RBMS3: variants seen among roughly 807,000 people sequenced by gnomAD.
RBMS3 encodes RNA binding motif single stranded interacting protein 3.
RBMS3 carries 27 observed loss-of-function variants against 66.8 expected under a neutral mutation model. That is an observed-to-expected ratio of 0.40 (90% CI 0.30 to 0.56). The LOEUF (loss-of-function observed/expected upper bound fraction) is 0.56, where lower values mean the gene tolerates loss of function less well. Ranked by LOEUF, RBMS3 falls within the 20% of genes least tolerant of loss-of-function variation. RBMS3 has a pLI of 0.40. For missense variants in RBMS3, 513 were observed against 549.5 expected (o/e 0.93, Z 0.66); for synonymous variants, 188 against 183.0 (o/e 1.03, Z -0.22).
intron 6 of RBMS3, among the ~76,000 whole-genome samples, chr3:29,805,580 C>T (rs2057521904): frequency 6.6e-6 from 1 of 151,876 alleles, no homozygotes; most frequent in Admixed American, 6.6e-5. Context: ...GATCCTGACC[C>T]TGTGTAGGCC....
Position 29,673,211 on chromosome 3 carries a change from C to G in RBMS3, c.400-66509C>G, listed in dbSNP as rs150816007. On this transcript the variant is annotated intron_variant, in intron 4 of 14. Coordinates refer to ENST00000383767, the MANE Select transcript of RBMS3 (RefSeq NM_001003793.3). ...TCTTTGAAACCAGTGAGAGCAAAGA[C>G]ACAACATACCAGAATCTCTGGGATA... 8.4e-3 allele frequency among the ~76,000 whole-genome samples: 1,286 copies of G among 152,230 alleles called. 23 individuals are homozygous for G. The highest frequency in any genetic ancestry group is 0.028 in the African/African-American group (1,183 of 41,532).
At chr3:29,389,912 C>G (rs577694900) in intron 1 of RBMS3, among the ~76,000 whole-genome samples, 2 of 151,926 alleles carry the variant, frequency 1.3e-5, no homozygotes, top group Non-Finnish European at 2.9e-5. Flanking sequence ...GGGAATGGGG[C>G]GGGGGCTCCT....
At chr3:29,379,899 G>A (rs2125621224) in intron 1 of RBMS3, among the ~76,000 whole-genome samples, 1 of 152,220 alleles carries the variant, frequency 6.6e-6, no homozygotes, top group East Asian at 1.9e-4. Flanking sequence ...CAAGGGGTGG[G>A]AATAGAAAAT....
chr3:29,653,464 C>T (rs2050211597), intron 4 of RBMS3, among the ~76,000 whole-genome samples: 2 of 152,114 alleles, frequency 1.3e-5, no homozygotes, highest in South Asian at 4.1e-4. Flanking sequence ...CGGTAAACCT[C>T]TCTGAACCAT....
At chr3:29,542,361 AT>A (rs11451149) in intron 3 of RBMS3, among the ~76,000 whole-genome samples, 135 of 151,204 alleles carry the variant, frequency 8.9e-4, no homozygotes, top group Admixed American at 2.9e-3. Flanking sequence ...ATCATCTCCA[AT>A]TTTTTTTTGT....
At chr3:29,834,196 G>A (rs2058445232) in intron 6 of RBMS3, among the ~76,000 whole-genome samples, 1 of 152,030 alleles carries the variant, frequency 6.6e-6, no homozygotes, top group African/African-American at 2.4e-5. Context: ...ACAAGAAATG[G>A]TAAAGGGAGT....
At chr3:29,418,161 A>T (rs2040557399) in intron 1 of RBMS3, among the ~76,000 whole-genome samples, 1 of 152,190 alleles carries the variant, frequency 6.6e-6, no homozygotes, top group East Asian at 1.9e-4. Context: ...ATTCATAAAC[A>T]AGTCATTATT....
intron 4 of RBMS3, among the ~76,000 whole-genome samples, chr3:29,702,278 T>C (rs1317296986): frequency 6.6e-6 from 1 of 152,156 alleles, no homozygotes; most frequent in Non-Finnish European, 1.5e-5. Context: ...GCTCTGTGTC[T>C]AGCTAATCTA....
At chr3:29,527,429 C>T (rs1032541375) in intron 3 of RBMS3, among the ~76,000 whole-genome samples, 5 of 151,982 alleles carry the variant, frequency 3.3e-5, no homozygotes, top group African/African-American at 7.3e-5. Flanking sequence ...AGCAGTTGGC[C>T]GGAACTCAGA....
chr3:29,572,915 C>T (rs1336239682), intron 3 of RBMS3, among the ~76,000 whole-genome samples: 1 of 151,604 alleles, frequency 6.6e-6, no homozygotes, highest in African/African-American at 2.4e-5. Flanking sequence ...TATTGGGAGA[C>T]TTTTTATTAT....
intron 6 of RBMS3, among the ~76,000 whole-genome samples, chr3:29,825,444 T>C (rs139568034): frequency 3.3e-5 from 5 of 152,210 alleles, no homozygotes; most frequent in Admixed American, 2.0e-4. Context: ...CTAATCCCCA[T>C]GTGTTGTGGG....
At chr3:30,002,898 G>T (rs1273744702) in intron 14 of RBMS3, among the ~76,000 whole-genome samples, 2 of 151,936 alleles carry the variant, frequency 1.3e-5, no homozygotes, top group Non-Finnish European at 2.9e-5. Flanking sequence ...CTGAAATTTA[G>T]CCCCCACTCC....
intron 3 of RBMS3, among the ~76,000 whole-genome samples, chr3:29,564,063 A>G (rs891609619): frequency 3.4e-5 from 5 of 147,924 alleles, no homozygotes; most frequent in Non-Finnish European, 5.9e-5. Flanking sequence ...AAAGGTAGAA[A>G]GAAAAGAAGG....
chr3:29,350,320 A>G (rs2036836091), intron 1 of RBMS3, among the ~76,000 whole-genome samples: 1 of 152,174 alleles, frequency 6.6e-6, no homozygotes, highest in Non-Finnish European at 1.5e-5. Flanking sequence ...TTGTTTGCAA[A>G]TTGAATGATC....
intron 12 of RBMS3, among the ~76,000 whole-genome samples, chr3:29,958,046 A>G (rs1305147258): frequency 6.6e-6 from 1 of 152,154 alleles, no homozygotes; most frequent in Admixed American, 6.6e-5. Flanking sequence ...ACACTATTAC[A>G]TCGAGAGCTT....
At chr3:29,870,767 A>T (rs753373619) in intron 7 of RBMS3, among the ~76,000 whole-genome samples, 36 of 152,182 alleles carry the variant, frequency 2.4e-4, no homozygotes, top group Non-Finnish European at 4.7e-4. Context: ...TTTAAGAGCT[A>T]TAAATTTTCC....
intron 1 of RBMS3, among the ~76,000 whole-genome samples, chr3:29,328,194 C>A (rs4380376): frequency 0.81 from 123,990 of 152,148 alleles, 50,719 homozygotes; most frequent in East Asian, 0.91. Context: ...AGTACTATAA[C>A]ATTCTTGGCT....
At chr3:29,306,283 A>G (rs1318709529) in intron 1 of RBMS3, among the ~76,000 whole-genome samples, 2 of 151,928 alleles carry the variant, frequency 1.3e-5, no homozygotes, top group Non-Finnish European at 2.9e-5. Context: ...CAATCTAGGA[A>G]TAGCAGCTGT....
intron 4 of RBMS3, among the ~76,000 whole-genome samples, chr3:29,691,158 G>A (rs574866934): frequency 3.3e-5 from 5 of 152,254 alleles, no homozygotes; most frequent in Admixed American, 2.0e-4. Context: ...TTTTGACATC[G>A]CAGTCTTGTA....
Sources: allele counts gnomAD v4.1 joint callset (sites outside exome capture counted in the v4.1 genomes callset), GRCh38; gene constraint gnomAD v4.1.1; transcripts MANE v1.5; gene names NCBI Gene and HGNC (gene_info 2026-07-23, HGNC 2026-07-21).